Variants in OTUD7A observed in about 807,000 individuals in gnomAD.
OTUD7A encodes the protein OTU domain-containing protein 7A.
In OTUD7A, 12 loss-of-function variants were observed where a neutral mutation model predicts 65.7. That is an observed-to-expected ratio of 0.18 (90% CI 0.12 to 0.30). The LOEUF (loss-of-function observed/expected upper bound fraction) is 0.30, where lower values mean the gene tolerates loss of function less well. OTUD7A is among the 10% of genes least tolerant of loss of function. The pLI is 1.00. For missense variants in OTUD7A, 1,148 were observed against 1,304.8 expected (o/e 0.88, Z 1.85); for synonymous variants, 641 against 586.3 (o/e 1.09, Z -1.35).
rs1397893381 is a variant in OTUD7A at position 31,482,298 on chromosome 15, T to G, written c.*996A>C. The G allele has an allele frequency of 6.6e-6, 1 of 152,448 alleles. No homozygotes were observed. The highest frequency in any genetic ancestry group is 1.5e-5 in the Non-Finnish European group (1 of 68,218). The allele number at this position is 152,448 out of a possible 1,614,324, so 9.4% of individuals were successfully genotyped here. A position where few individuals can be genotyped will look rare whatever the true frequency, so the allele number is the denominator to read the frequency against. The stretch of plus-strand genomic sequence containing the variant: ...CAGGTGTGGGGGTGGGCTTCCTTCC[T>G]GGTTCCCCCAGCCCCTTCCCTTTGG... On this transcript the variant is annotated 3_prime_UTR_variant, in exon 13 of 13. Coordinates refer to ENST00000307050, the MANE Select transcript of OTUD7A (RefSeq NM_001382637.1).
intron 5 of OTUD7A, among the ~76,000 whole-genome samples, chr15:31,538,812 G>T (rs771900200): frequency 1.3e-5 from 2 of 152,026 alleles, no homozygotes; most frequent in African/African-American, 4.8e-5. Context: ...AAAGAAAAAC[G>T]AGTAAAGATC....
intron 1 of OTUD7A, among the ~76,000 whole-genome samples, chr15:31,721,156 G>C (rs1348220710): frequency 6.6e-6 from 1 of 152,278 alleles, no homozygotes; most frequent in Non-Finnish European, 1.5e-5. Flanking sequence ...CTGTGGTCAA[G>C]CAACACATGA....
chr15:31,808,137 A>ACACAC (rs1555420102), intron 1 of OTUD7A, among the ~76,000 whole-genome samples: 13 of 91,566 alleles, frequency 1.4e-4, no homozygotes, highest in African/African-American at 4.6e-4. Context: ...ACACACACAC[A>ACACAC]AACAAATCCT....
chr15:31,797,026 A>C (rs1224816219), intron 1 of OTUD7A, among the ~76,000 whole-genome samples: 1 of 152,184 alleles, frequency 6.6e-6, no homozygotes, highest in Non-Finnish European at 1.5e-5. Flanking sequence ...GAGCCACGGC[A>C]CCTGGCCTCA....
At chr15:31,791,555 C>T (rs539364785) in intron 1 of OTUD7A, among the ~76,000 whole-genome samples, 6 of 152,230 alleles carry the variant, frequency 3.9e-5, no homozygotes, top group South Asian at 2.1e-4. Context: ...GGGACGCATG[C>T]GACACAGACA....
Position 31,483,318 on chromosome 15 carries a change from G to C in OTUD7A, c.2778C>G (p.Arg926=). The change falls in exon 13 of 13, where the codon CGC becomes CGG. Residue 926 remains arginine, a synonymous_variant. Coordinates refer to ENST00000307050, the MANE Select transcript of OTUD7A (RefSeq NM_001382637.1). ...YCYREELRRR[R]EARGARP ...CTCAGGGCCGGGCCCCGCGCGCCTC[G>C]CGCCGCCGCCGCAGCTCCTCGCGGT... is the stretch of plus-strand genomic sequence containing the variant. 8.4e-7 allele frequency: 1 copy of C among 1,196,252 alleles called. No homozygotes were observed. The highest frequency in any genetic ancestry group is 2.8e-5 in the South Asian group (1 of 36,200). 74.1% of individuals were successfully genotyped at this position (1,196,252 alleles called of 1,614,324 possible). A position where few individuals can be genotyped will look rare whatever the true frequency, so the allele number is the denominator to read the frequency against.
In OTUD7A at chr15:31,475,999, C is replaced by T. The variant is rs1330013434; in HGVS notation, c.*7295G>A. ...GGTCCCTTGTTATAATTAACTTCAA[C>T]AATCCTTAGTTAAAACAAGGCCAAA... On this transcript the variant is annotated 3_prime_UTR_variant, in exon 13 of 13. Transcript: ENST00000307050. The T allele has an allele frequency of 6.6e-6, 1 of 152,252 alleles. No individual in the cohort carries two copies. Among genetic ancestry groups the T allele is most frequent in the African/African-American group, 2.4e-5 (1 of 41,462 alleles). The allele number at this position is 152,252 out of a possible 1,614,324, so 9.4% of individuals were successfully genotyped here. A position where few individuals can be genotyped will look rare whatever the true frequency, so the allele number is the denominator to read the frequency against.
At chr15:31,797,327 T>C (rs1233018697) in intron 1 of OTUD7A, among the ~76,000 whole-genome samples, 3 of 152,240 alleles carry the variant, frequency 2.0e-5, no homozygotes, top group Non-Finnish European at 4.4e-5. Context: ...CAAACCCCTC[T>C]ACTCATAGGG....
At chr15:31,823,175 C>T (rs888005654) in intron 1 of OTUD7A, among the ~76,000 whole-genome samples, 3 of 151,992 alleles carry the variant, frequency 2.0e-5, no homozygotes, top group East Asian at 1.9e-4. Flanking sequence ...CACACAAAGC[C>T]GGTGCTGTGG....
At chr15:31,792,496 T>C (rs1231063290) in intron 1 of OTUD7A, among the ~76,000 whole-genome samples, 2 of 152,180 alleles carry the variant, frequency 1.3e-5, no homozygotes, top group African/African-American at 4.8e-5. Context: ...TTGTTCATCC[T>C]GCACTGAGAC....
intron 1 of OTUD7A, among the ~76,000 whole-genome samples, chr15:31,813,513 G>T (rs1567036894): frequency 6.6e-6 from 1 of 152,178 alleles, no homozygotes; most frequent in South Asian, 2.1e-4. Flanking sequence ...ATAAATGTGT[G>T]GGGGAGGTCA....
At chr15:31,563,922 A>G (rs1378625065) in intron 4 of OTUD7A, among the ~76,000 whole-genome samples, 1 of 116,148 alleles carries the variant, frequency 8.6e-6, no homozygotes, top group Admixed American at 9.6e-5. Context: ...GTGCTCCAGC[A>G]CAGTGAAGAT....
At chr15:31,529,935 C>T (rs1245850872) in intron 6 of OTUD7A, among the ~76,000 whole-genome samples, 1 of 152,182 alleles carries the variant, frequency 6.6e-6, no homozygotes, top group Non-Finnish European at 1.5e-5. Flanking sequence ...TGGTGCAAAC[C>T]CAGACTCACC....
Position 31,484,414 on chromosome 15 carries a change from C to T in OTUD7A, c.1682G>A (p.Gly561Glu). The T allele has an allele frequency of 6.2e-7, 1 of 1,602,202 alleles. No homozygotes were observed. Among genetic ancestry groups the T allele is most frequent in the Non-Finnish European group, 8.5e-7 (1 of 1,179,858 alleles). ...CTCCTTGCCCCGCTCGGCCGAGTCC[C>T]CGTTCTTGCCATTGGCGGAGTTGGC... ...GRANSANGKN[G>E]DSAERGKEKK... The change falls in exon 13 of 13, where the codon GGG (glycine) becomes GAG (glutamate). Residue 561 changes from glycine (G) to glutamate (E), a missense_variant. Gly to Glu is a moderately conservative substitution (Grantham distance 98, BLOSUM62 -2). Coordinates refer to ENST00000307050, the MANE Select transcript of OTUD7A (RefSeq NM_001382637.1). This position sits in a 1 kb window ranked among gnomAD's most constrained non-coding sequence, Gnocchi z 4.5.
chr15:31,687,072 G>C (rs2455707), intron 1 of OTUD7A, among the ~76,000 whole-genome samples: 1 of 150,610 alleles, frequency 6.6e-6, no homozygotes, highest in South Asian at 2.1e-4. Context: ...GTGGCAATGG[G>C]ATGCCAATAA....
chr15:31,843,854 TG>T (rs1320055556), intron 1 of OTUD7A, among the ~76,000 whole-genome samples: 1 of 152,196 alleles, frequency 6.6e-6, no homozygotes, highest in East Asian at 1.9e-4. Context: ...CCCGATACAC[TG>T]GAGTCATGTT....
intron 3 of OTUD7A, among the ~76,000 whole-genome samples, chr15:31,610,617 A>ATTTTTTTTTTTTTTTTTTTT: frequency 9.8e-5 from 3 of 30,562 alleles, no homozygotes; most frequent in Non-Finnish European, 9.8e-5. Flanking sequence ...ATATATATAT[A>ATTTTTTTTTTTTTTTTTTTT]TTTTTTTTTT....
intron 3 of OTUD7A, among the ~76,000 whole-genome samples, chr15:31,610,617 A>ATATATATATATATTTTTTTTTTTTT: frequency 3.3e-5 from 1 of 30,558 alleles, no homozygotes; most frequent in Non-Finnish European, 4.9e-5. Context: ...ATATATATAT[A>ATATATATATATATTTTTTTTTTTTT]TTTTTTTTTT....
chr15:31,566,053 G>A (rs572414393), intron 4 of OTUD7A, among the ~76,000 whole-genome samples: 79 of 152,176 alleles, frequency 5.2e-4, no homozygotes, highest in Non-Finnish European at 9.0e-4. Context: ...TTAGCTAGGC[G>A]TGGTGGCGGG....
Sources: gnomAD v4.1 joint callset for allele counts (sites outside exome capture counted in the v4.1 genomes callset) on GRCh38, gnomAD v4.1.1 for gene constraint, Gnocchi (gnomAD v3.1) non-coding constraint, MANE v1.5 for transcripts, NCBI Gene and HGNC (gene_info 2026-07-23, HGNC 2026-07-21) for gene names.